RALGAPA2: variants seen among roughly 807,000 people sequenced by gnomAD.
The protein encoded by RALGAPA2 is ral GTPase-activating protein subunit alpha-2.
Under a neutral mutation model 230.4 loss-of-function variants are expected in RALGAPA2, and 139 were observed. The observed-to-expected ratio is 0.60, with a 90% CI of 0.53 to 0.69. RALGAPA2 has a LOEUF of 0.69. Among genes scored for constraint, RALGAPA2 ranks in the 30% least tolerant of loss-of-function variants. RALGAPA2 has a pLI of 0.00. For missense variants in RALGAPA2, 2,163 were observed against 2,276.0 expected, an observed-to-expected ratio of 0.95 and a Z score of 1.01; for synonymous variants, 847 against 837.8, an observed-to-expected ratio of 1.01 and a Z score of -0.19.
At chr20:20,401,597 G>A (rs1049928577) in intron 38 of RALGAPA2, among the ~76,000 whole-genome samples, 4 of 152,162 alleles carry the variant, frequency 2.6e-5, no homozygotes, top group Admixed American at 2.6e-4. Context: ...GAGTGTGTGT[G>A]CCACTCAGGA....
At chr20:20,668,330 G>C (rs1603227847) in intron 3 of RALGAPA2, among the ~76,000 whole-genome samples, 1 of 152,284 alleles carries the variant, frequency 6.6e-6, no homozygotes, top group Middle Eastern at 3.4e-3. Flanking sequence ...TTGAACCCAT[G>C]AGGCGGAGGT....
At chr20:20,396,819 TAC>T (rs1433161888) in intron 38 of RALGAPA2, 85 bp from the exon 39 acceptor site, 1 of 1,161,968 alleles carries the variant, frequency 8.6e-7, no homozygotes, top group Non-Finnish European at 1.3e-6. Flanking sequence ...GTGCTAATAA[TAC>T]ATTTATCCCT....
intron 1 of RALGAPA2, among the ~76,000 whole-genome samples, chr20:20,696,222 A>T (rs527871603): frequency 6.6e-6 from 1 of 152,036 alleles, no homozygotes; most frequent in Non-Finnish European, 1.5e-5. Context: ...ATCTTCCTTA[A>T]CACCTTTGCT....
At chr20:20,484,963 A>G (rs1275380378) in intron 36 of RALGAPA2, among the ~76,000 whole-genome samples, 1 of 152,068 alleles carries the variant, frequency 6.6e-6, no homozygotes, top group African/African-American at 2.4e-5. Context: ...TGTGCAACCC[A>G]TGGCCTGTGG....
At chr20:20,697,198 A>G (rs150326602) in intron 1 of RALGAPA2, among the ~76,000 whole-genome samples, 15 of 152,294 alleles carry the variant, frequency 9.8e-5, no homozygotes, top group African/African-American at 2.6e-4. Context: ...CCCATTTGTT[A>G]AAAGGGCAAC....
At chr20:20,477,187 C>G (rs1229347145) in intron 36 of RALGAPA2, among the ~76,000 whole-genome samples, 1 of 152,172 alleles carries the variant, frequency 6.6e-6, no homozygotes, top group Non-Finnish European at 1.5e-5. Flanking sequence ...TGTATACTTA[C>G]AATTTGTGTC....
rs6035618 is a variant in RALGAPA2, at chr20:20,393,169, C to T, written c.*120G>A. 40,196 of 1,356,014 alleles carry T rather than the reference C, an allele frequency of 0.03. 1,603 individuals are homozygous for T. The highest frequency in any genetic ancestry group is 0.19 in the East Asian group (4,135 of 21,542). 84.0% of individuals were successfully genotyped at this position (1,356,014 alleles called of 1,614,324 possible). On this transcript the variant is annotated 3_prime_UTR_variant, in exon 40 of 40. Coordinates refer to ENST00000202677, the MANE Select transcript of RALGAPA2 (RefSeq NM_020343.4). ...CCTGGAGATTCTGGGTTTAGTGGCT[C>T]GGGGCAGAGGCAGGAGAGGGTGTTC...
Position 20,487,994 on chromosome 20 carries a change from T to C in RALGAPA2, c.5367+7123A>G, listed in dbSNP as rs541024471. Among the ~76,000 whole-genome samples the C allele has an allele frequency of 4.6e-5, 7 of 152,050 alleles. No homozygotes were observed. In the South Asian group the frequency reaches 1.5e-3, roughly 32 times the overall value. ...TTGGGTATATAGTCATACCTAGGTATATGAGGGGGACTGGTTCCAAAACCA... is the reference window on the plus strand; with the variant it reads ...TTGGGTATATAGTCATACCTAGGTACATGAGGGGGACTGGTTCCAAAACCA... On this transcript the variant is annotated intron_variant, in intron 36 of 39. Coordinates refer to ENST00000202677, the MANE Select transcript of RALGAPA2 (RefSeq NM_020343.4).
chr20:20,400,934 A>G (rs2059820889), intron 38 of RALGAPA2, among the ~76,000 whole-genome samples: 1 of 152,220 alleles, frequency 6.6e-6, no homozygotes, highest in Non-Finnish European at 1.5e-5. Context: ...ACCAAAGACC[A>G]CATATGGGAT....
At chr20:20,499,153 T>G (rs2062298917) in intron 35 of RALGAPA2, among the ~76,000 whole-genome samples, 1 of 152,200 alleles carries the variant, frequency 6.6e-6, no homozygotes, top group Admixed American at 6.5e-5. Context: ...ATTTTTAGTC[T>G]AGCTGTGAGA....
intron 33 of RALGAPA2, among the ~76,000 whole-genome samples, chr20:20,508,362 T>C (rs1239033471): frequency 6.6e-6 from 1 of 152,204 alleles, no homozygotes; most frequent in African/African-American, 2.4e-5. Flanking sequence ...AAATTAACAA[T>C]CTTCCCTTCC....
At chr20:20,467,075 C>T (rs1053294983) in intron 37 of RALGAPA2, among the ~76,000 whole-genome samples, 3 of 152,168 alleles carry the variant, frequency 2.0e-5, no homozygotes, top group African/African-American at 4.8e-5. Flanking sequence ...GCTGTGGCAT[C>T]GAAACCATAC....
chr20:20,435,938 G>A (rs983028537), intron 37 of RALGAPA2, among the ~76,000 whole-genome samples: 2 of 152,206 alleles, frequency 1.3e-5, no homozygotes, highest in Non-Finnish European at 2.9e-5. Context: ...TCTAAGTTCT[G>A]TTTAAATGAA....
At chr20:20,544,988 C>T (rs1209650428) in intron 24 of RALGAPA2, among the ~76,000 whole-genome samples, 1 of 152,114 alleles carries the variant, frequency 6.6e-6, no homozygotes, top group Non-Finnish European at 1.5e-5. Context: ...CTTGCACGTT[C>T]TACACATGTA....
intron 24 of RALGAPA2, among the ~76,000 whole-genome samples, chr20:20,541,157 G>A (rs2063632774): frequency 6.7e-6 from 1 of 150,086 alleles, no homozygotes; most frequent in African/African-American, 2.5e-5. Flanking sequence ...CCTAACAGGT[G>A]TGAGGTAATT....
chr20:20,600,585 T>C (rs1401567701), intron 16 of RALGAPA2, among the ~76,000 whole-genome samples: 1 of 152,344 alleles, frequency 6.6e-6, no homozygotes, highest in Non-Finnish European at 1.5e-5. Flanking sequence ...ACCATCTGTA[T>C]TAAGCCTTTA....
intron 23 of RALGAPA2, among the ~76,000 whole-genome samples, chr20:20,554,310 G>T (rs565441737): frequency 6.6e-6 from 1 of 152,098 alleles, no homozygotes; most frequent in Admixed American, 6.5e-5. Flanking sequence ...GTTCATCCAC[G>T]TTGTGGCACA....
At chr20:20,638,504 C>T (rs1197997963) in intron 7 of RALGAPA2, among the ~76,000 whole-genome samples, 2 of 152,168 alleles carry the variant, frequency 1.3e-5, no homozygotes, top group African/African-American at 4.8e-5. Context: ...AAACTCTGCA[C>T]ACAATTAGGA....
At chr20:20,680,652 C>T (rs73124443) in intron 2 of RALGAPA2, 39 bp downstream of exon 2, 78 of 1,493,700 alleles carry the variant, frequency 5.2e-5, no homozygotes, top group Non-Finnish European at 6.3e-5. Flanking sequence ...TATAAAAATG[C>T]CCGAATGTTT....
Sources: allele counts gnomAD v4.1 joint callset (sites outside exome capture counted in the v4.1 genomes callset), GRCh38; gene constraint gnomAD v4.1.1; transcripts MANE v1.5; gene names NCBI Gene and HGNC (gene_info 2026-07-23, HGNC 2026-07-21).